The following IMMT variants were observed in gnomAD, a reference collection of about 807,000 sequenced individuals.
IMMT encodes MICOS complex subunit MIC60.
IMMT carries 40 observed loss-of-function variants against 92.7 expected under a neutral mutation model. That is an observed-to-expected ratio of 0.43 (90% CI 0.34 to 0.56). The LOEUF (loss-of-function observed/expected upper bound fraction) is 0.56, where lower values mean the gene tolerates loss of function less well. Ranked by LOEUF, IMMT falls within the 20% of genes least tolerant of loss-of-function variation. IMMT has a pLI of 0.03. For missense variants in IMMT, 831 were observed against 912.1 expected (o/e 0.91, Z 1.14); for synonymous variants, 322 against 336.1 (o/e 0.96, Z 0.46).
intron 10 of IMMT, among the ~76,000 whole-genome samples, chr2:86,157,051 G>C (rs1012908118): frequency 2.0e-5 from 3 of 152,170 alleles, no homozygotes; most frequent in Non-Finnish European, 4.4e-5. Flanking sequence ...TCTGATGAGG[G>C]AAGCAGTGCC....
At chr2:86,182,913 A>C (rs890713121) in intron 1 of IMMT, among the ~76,000 whole-genome samples, 2 of 151,990 alleles carry the variant, frequency 1.3e-5, no homozygotes, top group Non-Finnish European at 2.9e-5. Context: ...AACAAAAAAA[A>C]CCCAGTATTT....
At chr2:86,155,679 A>AT (rs1675807047) in intron 10 of IMMT, among the ~76,000 whole-genome samples, 1 of 152,226 alleles carries the variant, frequency 6.6e-6, no homozygotes, top group Admixed American at 6.5e-5. Flanking sequence ...TAGGGAAATA[A>AT]TAAGAGCAAT....
chr2:86,147,259 C>G (rs1446736896), intron 13 of IMMT, among the ~76,000 whole-genome samples: 1 of 152,176 alleles, frequency 6.6e-6, no homozygotes, highest in Admixed American at 6.5e-5. Flanking sequence ...TAGAAAACCT[C>G]AATATCTTCT....
intron 1 of IMMT, among the ~76,000 whole-genome samples, chr2:86,190,651 C>T (rs1398248023): frequency 6.6e-6 from 1 of 152,132 alleles, no homozygotes; most frequent in African/African-American, 2.4e-5. Context: ...ACTGAATACC[C>T]ACATCTAAGG....
intron 6 of IMMT, among the ~76,000 whole-genome samples, chr2:86,169,404 C>G (rs1462064331): frequency 6.6e-6 from 1 of 152,016 alleles, no homozygotes; most frequent in African/African-American, 2.4e-5. Context: ...AAATCCAAAT[C>G]CAAGTAGGAA....
In IMMT at chr2:86,144,420, A is replaced by G; in HGVS notation, c.2125T>C (p.Phe709Leu). The G allele has an allele frequency of 6.2e-7, 1 of 1,613,886 alleles. No individual in the cohort carries two copies. Among genetic ancestry groups the G allele is most frequent in the South Asian group, 1.1e-5 (1 of 91,066 alleles). ...EHGDLELAAK[F>L]VNQLKGESRR... ...GATTCCCCCTTCAGCTGATTGACAA[A>G]CTTTGCTGCTAGCTCCAGATCACCA... The change falls in exon 15 of 15, where the codon TTT becomes CTT. Residue 709 changes from phenylalanine to leucine, a missense_variant. Phe to Leu is a conservative substitution (Grantham distance 22). Coordinates refer to ENST00000410111, the MANE Select transcript of IMMT (RefSeq NM_006839.3).
intron 12 of IMMT, among the ~76,000 whole-genome samples, chr2:86,149,471 G>A (rs187720310): frequency 3.2e-4 from 48 of 152,242 alleles, no homozygotes; most frequent in Admixed American, 1.4e-3. Context: ...TGTCTGATTC[G>A]ACTATGTTTT....
intron 7 of IMMT, among the ~76,000 whole-genome samples, chr2:86,164,704 A>AAAAAAAAAAAC (rs1676548981): frequency 6.6e-6 from 1 of 150,990 alleles, no homozygotes; most frequent in African/African-American, 2.4e-5. Flanking sequence ...AAAAAAAAAA[A>AAAAAAAAAAAC]GGAATGGATG....
At chr2:86,158,788 A>G in intron 9 of IMMT, 67 bp from the exon 10 acceptor site, 1 of 1,276,778 alleles carries the variant, frequency 7.8e-7, no homozygotes, top group South Asian at 1.4e-5. Context: ...CAAGAAACAG[A>G]AGTAGTATTC....
At chr2:86,147,607 A>G (rs1675117459) in intron 13 of IMMT, 95 bp downstream of exon 13, 2 of 1,272,636 alleles carry the variant, frequency 1.6e-6, no homozygotes, top group Non-Finnish European at 2.2e-6. Flanking sequence ...GAGATTTCCA[A>G]ATCTTCGACA....
intron 4 of IMMT, among the ~76,000 whole-genome samples, chr2:86,171,955 GTATATTTT>G (rs1558829974): frequency 1.1e-5 from 1 of 93,450 alleles, no homozygotes; most frequent in Non-Finnish European, 2.3e-5. Context: ...TGTGTGTGTA[GTATATTTT>G]TTTTTTTTTT....
At chr2:86,195,063 C>T (rs1049096480) in intron 1 of IMMT, 12 of 394,454 alleles carry the variant, frequency 3.0e-5, no homozygotes, top group Non-Finnish European at 5.6e-5. Context: ...TGGTCCTGGA[C>T]GGGGGCAGCG....
chr2:86,157,386 C>T (rs1421217767), intron 10 of IMMT, among the ~76,000 whole-genome samples: 2 of 152,170 alleles, frequency 1.3e-5, no homozygotes, highest in African/African-American at 2.4e-5. Flanking sequence ...TATTTATTAC[C>T]TTCATTCCTT....
At chr2:86,182,445 A>G (rs1672492386) in intron 1 of IMMT, among the ~76,000 whole-genome samples, 1 of 152,246 alleles carries the variant, frequency 6.6e-6, no homozygotes, top group African/African-American at 2.4e-5. Flanking sequence ...GCCTAGAGGT[A>G]AACAGCTAAC....
chr2:86,143,968 G>T lies in IMMT; in HGVS notation c.*300C>A. 2.3e-6 allele frequency: 1 copy of T among 437,010 alleles called. No homozygotes were observed. The highest frequency in any genetic ancestry group is 4.7e-5 in the East Asian group (1 of 21,494). 27.1% of individuals were successfully genotyped at this position (437,010 alleles called of 1,614,324 possible). On this transcript the variant is annotated 3_prime_UTR_variant, in exon 15 of 15. Transcript: ENST00000410111. ...CTTGTTGCTTTATTCAGTTTGCTCC[G>T]AGGGCAAAATCAACAGTAGTAGAGA... is the stretch of plus-strand genomic sequence containing the variant.
chr2:86,154,320 C>T (rs1466957191), intron 10 of IMMT, among the ~76,000 whole-genome samples: 1 of 151,738 alleles, frequency 6.6e-6, no homozygotes, highest in African/African-American at 2.4e-5. Context: ...CTACATGCGC[C>T]TCCCACCACG....
At chr2:86,161,760 C>T (rs996705766) in intron 8 of IMMT, among the ~76,000 whole-genome samples, 37 of 151,966 alleles carry the variant, frequency 2.4e-4, no homozygotes, top group Non-Finnish European at 4.0e-4. Flanking sequence ...GTGATCTGTC[C>T]GCCTCGGCCT....
At chr2:86,179,297 T>C (rs1288088773) in intron 3 of IMMT, 136 bp downstream of exon 3, 8 of 652,876 alleles carry the variant, frequency 1.2e-5, no homozygotes, top group African/African-American at 1.9e-5. Context: ...TGAGCATCCA[T>C]GGGATTTTTG....
At chr2:86,156,290 T>C (rs1028759125) in intron 10 of IMMT, among the ~76,000 whole-genome samples, 2 of 152,090 alleles carry the variant, frequency 1.3e-5, no homozygotes, top group African/African-American at 4.8e-5. Flanking sequence ...TGTTTAACAT[T>C]TTCATGTTTT....
Sources: gnomAD v4.1 joint callset for allele counts (sites outside exome capture counted in the v4.1 genomes callset) on GRCh38, gnomAD v4.1.1 for gene constraint, MANE v1.5 for transcripts, NCBI Gene and HGNC (gene_info 2026-07-23, HGNC 2026-07-21) for gene names.